The following OTX2 variants were observed in gnomAD, a reference collection of about 807,000 sequenced individuals.
OTX2 encodes orthodenticle homeobox 2.
OTX2 carries 4 observed loss-of-function variants against 29.0 expected under a neutral mutation model. That is an observed-to-expected ratio of 0.14 (90% CI 0.07 to 0.32). The LOEUF (loss-of-function observed/expected upper bound fraction) is 0.32. Among genes scored for constraint, OTX2 ranks in the 10% least tolerant of loss-of-function variants. The pLI, the probability that OTX2 is intolerant of heterozygous loss-of-function variation, is 1.00. For missense variants in OTX2, 298 were observed against 365.9 expected (o/e 0.81, Z 1.51); for synonymous variants, 134 against 141.0 (o/e 0.95, Z 0.35).
rs995492995 is a variant in OTX2 at position 56,800,554 on chromosome 14, T to C, written c.*1181A>G. On this transcript the variant is annotated 3_prime_UTR_variant, in exon 5 of 5. Coordinates refer to ENST00000672264, the MANE Select transcript of OTX2 (RefSeq NM_021728.4). ...AAAGTCTACCTACCACTGTCATTCA[T>C]ATCTATTTTATGCATAGATTAGCAA... The C allele has an allele frequency of 6.6e-6, 1 of 152,126 alleles. No individual in the cohort carries two copies. Among genetic ancestry groups the C allele is most frequent in the Non-Finnish European group, 1.5e-5 (1 of 68,038 alleles). 9.4% of individuals were successfully genotyped at this position (152,126 alleles called of 1,614,324 possible).
At chr14:56,807,928 C>T (rs1012695591) in intron 2 of OTX2, among the ~76,000 whole-genome samples, 18 of 152,140 alleles carry the variant, frequency 1.2e-4, no homozygotes, top group African/African-American at 3.6e-4. Context: ...GGTCGGCGAC[C>T]GCACCTCCGG....
Position 56,805,510 on chromosome 14 carries a change from A to G in OTX2, c.-54T>C. On this transcript the variant is annotated 5_prime_UTR_variant, in exon 3 of 5. Transcript: ENST00000672264. ...GCCCAAATCGGGGGTACCCAGCTGG[A>G]AGATCTTGATGCGCCCGGGGTGGAC... 8.2e-7 allele frequency: 1 copy of G among 1,213,588 alleles called. No homozygotes were observed. Among genetic ancestry groups the G allele is most frequent in the Non-Finnish European group, 1.2e-6 (1 of 821,132 alleles). 75.2% of individuals were successfully genotyped at this position (1,213,588 alleles called of 1,614,324 possible).
rs1036526594 is a variant in OTX2, at chr14:56,800,809, C to T, written c.*926G>A. 4 of 152,558 alleles carry T rather than the reference C, an allele frequency of 2.6e-5. No individual in the cohort carries two copies. The highest frequency in any genetic ancestry group is 4.4e-5 in the Non-Finnish European group (3 of 68,020). 9.5% of individuals were successfully genotyped at this position (152,558 alleles called of 1,614,324 possible). On this transcript the variant is annotated 3_prime_UTR_variant, in exon 5 of 5. Transcript: ENST00000672264. ...TCCATTTAACATCTGCAAGCATAAACGACAATGATCTCAGTTTAATAATTC... is the reference window on the plus strand; with the variant it reads ...TCCATTTAACATCTGCAAGCATAAATGACAATGATCTCAGTTTAATAATTC...
In OTX2 at chr14:56,801,879, T is replaced by G. The variant is rs1292858286; in HGVS notation, c.750A>C (p.Gly250=). The change falls in exon 5 of 5, where the codon GGA becomes GGC. Residue 250 remains glycine, a synonymous_variant. Transcript: ENST00000672264. This position sits in a 1 kb window ranked among gnomAD's most constrained non-coding sequence, Gnocchi z 4.2. The part of the protein sequence containing the change: ...NQSPASLSTQ[G]YGASSLGFNS... ...TAAAACCCAAGCTTGAAGCTCCATATCCCTGGGTGGAAAGAGAAGCTGGGG... is the reference window on the plus strand; with the variant it reads ...TAAAACCCAAGCTTGAAGCTCCATAGCCCTGGGTGGAAAGAGAAGCTGGGG... The G allele has an allele frequency of 6.2e-7, 1 of 1,614,006 alleles. No individual in the cohort carries two copies. The highest frequency in any genetic ancestry group is 8.5e-7 in the Non-Finnish European group (1 of 1,180,046).
Position 56,802,071 on chromosome 14 carries a change from G to A in OTX2, c.558C>T (p.Thr186=). ...GACTATAACCTGAAGCCTGAGTATA[G>A]GTCATGGGATAGGACCTCTGCATGC... is the stretch of plus-strand genomic sequence containing the variant. ...SSCMQRSYPM[T]YTQASGYSQG... Residue 186 remains threonine (T), a synonymous_variant, in exon 5 of 5, where the codon ACC becomes ACT. Transcript: ENST00000672264. This position sits in a 1 kb window ranked among gnomAD's most constrained non-coding sequence, Gnocchi z 4.4. 6.2e-7 allele frequency: 1 copy of A among 1,614,162 alleles called. No individual in the cohort carries two copies. The highest frequency in any genetic ancestry group is 1.1e-5 in the South Asian group (1 of 91,076).
intron 3 of OTX2, among the ~76,000 whole-genome samples, 195 bp downstream of exon 3, chr14:56,805,165 A>G (rs1892037906): frequency 6.6e-6 from 1 of 152,202 alleles, no homozygotes; most frequent in African/African-American, 2.4e-5. Context: ...CACTTTTCCC[A>G]ACCCCTGTTC....
chr14:56,804,106 A>C lies in OTX2; in HGVS notation c.273+82T>G. On this transcript the variant is annotated intron_variant, in intron 4 of 4. Coordinates refer to ENST00000672264, the MANE Select transcript of OTX2 (RefSeq NM_021728.4). The surrounding 1 kb of genome is among the most constrained non-coding windows in gnomAD (Gnocchi z 4.1). The stretch of plus-strand genomic sequence containing the variant: ...TTTCAAGCCTTCCTTCAGTCCTCTG[A>C]AAGACCTGGGGCTCTCCACAGTCCC... 6.6e-7 allele frequency: 1 copy of C among 1,506,272 alleles called. No individual in the cohort carries two copies. Among genetic ancestry groups the C allele is most frequent in the Non-Finnish European group, 9.2e-7 (1 of 1,082,370 alleles). The allele number at this position is 1,506,272 out of a possible 1,614,324, so 93.3% of individuals were successfully genotyped here. A position where few individuals can be genotyped will look rare whatever the true frequency, so the allele number is the denominator to read the frequency against.
At chr14:56,808,538 T>G (rs746676923) in intron 2 of OTX2, among the ~76,000 whole-genome samples, 1 of 152,116 alleles carries the variant, frequency 6.6e-6, no homozygotes, top group Non-Finnish European at 1.5e-5. Context: ...TGGCCTTGAC[T>G]ATTAATTATC....
chr14:56,804,057 G>A lies in OTX2; in HGVS notation c.273+131C>T. The A allele has an allele frequency of 9.3e-7, 1 of 1,079,614 alleles. No individual in the cohort carries two copies. The highest frequency in any genetic ancestry group is 1.4e-6 in the Non-Finnish European group (1 of 717,082). 66.9% of individuals were successfully genotyped at this position (1,079,614 alleles called of 1,614,324 possible). A position where few individuals can be genotyped will look rare whatever the true frequency, so the allele number is the denominator to read the frequency against. On this transcript the variant is annotated intron_variant, in intron 4 of 4. Transcript: ENST00000672264. The surrounding 1 kb of genome is among the most constrained non-coding windows in gnomAD (Gnocchi z 4.1). ...AAGGGCAGAAGGAGAATAGTTTCCT[G>A]GCCCCTTAGTGAGTGAAGGAGAATT...
rs1436860169 is a variant in OTX2 at position 56,804,514 on chromosome 14, C to G, written c.98-151G>C. The G allele has an allele frequency of 6.5e-5, 46 of 711,640 alleles. No individual in the cohort carries two copies. The highest frequency in any genetic ancestry group is 9.6e-5 in the Non-Finnish European group (42 of 438,162). 44.1% of individuals were successfully genotyped at this position (711,640 alleles called of 1,614,324 possible). ...TCCCCACCGTCTCCCCAGCCTTGCT[C>G]CCCGGGGACCCAGGACACACGCTGC... On this transcript the variant is annotated intron_variant, in intron 3 of 4. Coordinates refer to ENST00000672264, the MANE Select transcript of OTX2 (RefSeq NM_021728.4). The surrounding 1 kb of genome is among the most constrained non-coding windows in gnomAD (Gnocchi z 4.1).
Position 56,802,198 on chromosome 14 carries a change from C to T in OTX2, c.431G>A (p.Ser144Asn). ...GCTGGCAATGGTCGGGACTGAGGTG[C>T]TAGAGGGGGGAGTGAATTGGCCACT... ...GTSGQFTPPS[S>N]TSVPTIASSS... is the part of the protein sequence containing the mutation. The change falls in exon 5 of 5, where the codon AGC becomes AAC. Residue 144 changes from serine (S) to asparagine (N), a missense_variant. Physicochemically the swap from Ser to Asn is conservative, Grantham distance 46 (BLOSUM62 1). Transcript: ENST00000672264. The surrounding 1 kb of genome is among the most constrained non-coding windows in gnomAD (Gnocchi z 4.4). The T allele has an allele frequency of 6.2e-7, 1 of 1,614,110 alleles. No homozygotes were observed. The highest frequency in any genetic ancestry group is 1.1e-5 in the South Asian group (1 of 91,066).
chr14:56,803,833 T>C (rs1401894633), intron 4 of OTX2, among the ~76,000 whole-genome samples: 1 of 152,186 alleles, frequency 6.6e-6, no homozygotes, highest in Non-Finnish European at 1.5e-5. Context: ...GTAAAAATAC[T>C]TGGACTGTCC....
chr14:56,803,781 A>T (rs980581506), intron 4 of OTX2, among the ~76,000 whole-genome samples: 1 of 152,242 alleles, frequency 6.6e-6, no homozygotes, highest in Admixed American at 6.5e-5. Flanking sequence ...CACCAAACTT[A>T]GTTATGACCT....
At position 56,800,256 on chromosome 14, in the gene OTX2, C is replaced by T. The variant is rs1566620805; in HGVS notation, c.*1479G>A. 1 of 146,290 alleles carries T rather than the reference C, an allele frequency of 6.8e-6. No homozygotes were observed. The highest frequency in any genetic ancestry group is 7.2e-5 in the Admixed American group (1 of 13,940). 9.1% of individuals were successfully genotyped at this position (146,290 alleles called of 1,614,324 possible). ...CTTTCAGATTCTGATTACACTCCCT[C>T]TCATGTTTACCTCAGTTTTTGGAAG... On this transcript the variant is annotated 3_prime_UTR_variant, in exon 5 of 5. Transcript: ENST00000672264.
chr14:56,801,629 T>G lies in OTX2; in HGVS notation c.*106A>C. Reference sequence around the variant, plus strand: ...CCTCTCGGAACTTTGATCAGATGAGTCTGAGCATCATCCCATCTAACTCTT... The same window carrying G: ...CCTCTCGGAACTTTGATCAGATGAGGCTGAGCATCATCCCATCTAACTCTT... On this transcript the variant is annotated 3_prime_UTR_variant, in exon 5 of 5. Coordinates refer to ENST00000672264, the MANE Select transcript of OTX2 (RefSeq NM_021728.4). This position sits in a 1 kb window ranked among gnomAD's most constrained non-coding sequence, Gnocchi z 4.2. 6.2e-6 allele frequency: 8 copies of G among 1,294,098 alleles called. No homozygotes were observed. Among genetic ancestry groups the G allele is most frequent in the Non-Finnish European group, 8.9e-6 (8 of 894,340 alleles). The allele number at this position is 1,294,098 out of a possible 1,614,324, so 80.2% of individuals were successfully genotyped here.
At position 56,802,188 on chromosome 14, in the gene OTX2, G is replaced by C. The variant is rs1018175216; in HGVS notation, c.441C>G (p.Val147=). The C allele has an allele frequency of 1.2e-6, 2 of 1,614,046 alleles. No homozygotes were observed. Among genetic ancestry groups the C allele is most frequent in the African/African-American group, 2.7e-5 (2 of 74,916 alleles). Residue 147 remains valine, a synonymous_variant, in exon 5 of 5, where the codon GTC becomes GTG. Coordinates refer to ENST00000672264, the MANE Select transcript of OTX2 (RefSeq NM_021728.4). This position sits in a 1 kb window ranked among gnomAD's most constrained non-coding sequence, Gnocchi z 4.4. ...GAGCACTGCTGCTGGCAATGGTCGG[G>C]ACTGAGGTGCTAGAGGGGGGAGTGA... is the stretch of plus-strand genomic sequence containing the variant. ...GQFTPPSSTS[V]PTIASSSAPV...
At position 56,801,818 on chromosome 14, in the gene OTX2, T is replaced by C; in HGVS notation, c.811A>G (p.Thr271Ala). The C allele has an allele frequency of 3.7e-6, 6 of 1,614,176 alleles. No individual in the cohort carries two copies. The highest frequency in any genetic ancestry group is 5.1e-6 in the Non-Finnish European group (6 of 1,180,038). The change falls in exon 5 of 5, where the codon ACT becomes GCT. Residue 271 changes from threonine to alanine, a missense_variant. This residue lies in a region of OTX2 where 219 missense variants were observed against 223.5 expected (regional missense o/e 0.98). Coordinates refer to ENST00000672264, the MANE Select transcript of OTX2 (RefSeq NM_021728.4). This position sits in a 1 kb window ranked among gnomAD's most constrained non-coding sequence, Gnocchi z 4.2. The stretch of plus-strand genomic sequence containing the variant: ...TTGAAGTTAAGCTTCCAGGAGGCAG[T>C]TTGGTCCTTATAATCCAAGCAATCA... ...TTDCLDYKDQ[T>A]ASWKLNFNAD... is the part of the protein sequence containing the mutation.
At position 56,806,661 on chromosome 14, in the gene OTX2, C is replaced by G. The variant is rs573391014; in HGVS notation, c.-119-1086G>C. ...ATTTTAGTTTTGAAGAAAGTAGATA[C>G]ACAAACACCCAAAGTTGTGAAACTA... On this transcript the variant is annotated intron_variant, in intron 2 of 4. Transcript: ENST00000672264. 3.3e-5 allele frequency: 5 copies of G among 152,366 alleles called. No homozygotes were observed. The East Asian group carries it at 9.6e-4, about 29-fold the overall frequency. 9.4% of individuals were successfully genotyped at this position (152,366 alleles called of 1,614,324 possible).
chr14:56,809,628 C>T (rs2139546641), intron 2 of OTX2, among the ~76,000 whole-genome samples: 1 of 152,292 alleles, frequency 6.6e-6, no homozygotes, highest in South Asian at 2.1e-4. Flanking sequence ...CCGGCCCAGG[C>T]CGACCCGCAA....
Sources: gnomAD v4.1 joint callset for allele counts (sites outside exome capture counted in the v4.1 genomes callset) on GRCh38, gnomAD v4.1.1 for gene constraint, gnomAD v4.1.1 regional missense constraint, Gnocchi (gnomAD v3.1) non-coding constraint, MANE v1.5 for transcripts, NCBI Gene and HGNC (gene_info 2026-07-23, HGNC 2026-07-21) for gene names.